C5AR2: variants seen among roughly 807,000 people sequenced by gnomAD.
C5AR2 encodes the protein complement C5a receptor 2.
For synonymous variants in C5AR2, 224 were observed against 216.5 expected (o/e 1.03, Z -0.30); for missense variants, 458 against 467.5 (o/e 0.98, Z 0.19).
intron 1 of C5AR2, among the ~76,000 whole-genome samples, chr19:47,337,879 T>C (rs1225650290): frequency 1.3e-5 from 2 of 151,918 alleles, no homozygotes; most frequent in Admixed American, 6.6e-5. Flanking sequence ...CAAACCAGCC[T>C]GACCAACATG....
chr19:47,336,874 C>T lies in C5AR2; in HGVS notation c.-15-3911C>T, dbSNP rs867092302. Among the ~76,000 whole-genome samples the T allele has an allele frequency of 3.6e-4, 55 of 152,172 alleles. 1 individual carries two copies. The highest frequency in any genetic ancestry group is 6.8e-3 in the Middle Eastern group (2 of 294). ...AATACGAAAGTGGAATGCCAGACTC[C>T]GAATACACACACCAAGTGGCCTGGA... On this transcript the variant is annotated intron_variant, in intron 1 of 1. Transcript: ENST00000595464.
In C5AR2 at chr19:47,344,096, C is replaced by G. The variant is rs1969084149; in HGVS notation, c.*2283C>G. On this transcript the variant is annotated 3_prime_UTR_variant, in exon 2 of 2. Coordinates refer to ENST00000595464, the MANE Select transcript of C5AR2 (RefSeq NM_001271749.2). Reference sequence around the variant, plus strand: ...GTGGCTCACGCCTGTGATCCCAGCACTTTCGGAGGCCCAGTCGGGAGGATC... The same window carrying G: ...GTGGCTCACGCCTGTGATCCCAGCAGTTTCGGAGGCCCAGTCGGGAGGATC... The G allele has an allele frequency of 6.6e-6, 1 of 152,164 alleles. No homozygotes were observed. Among genetic ancestry groups the G allele is most frequent in the Non-Finnish European group, 1.5e-5 (1 of 68,064 alleles). 9.4% of individuals were successfully genotyped at this position (152,164 alleles called of 1,614,324 possible). A position where few individuals can be genotyped will look rare whatever the true frequency, so the allele number is the denominator to read the frequency against.
Position 47,341,597 on chromosome 19 carries a change from G to C in C5AR2, c.798G>C (p.Leu266=), listed in dbSNP as rs575587056. ...LTVAAPNSAL[L]ARALRAEPLI... Reference sequence around the variant, plus strand: ...TGGCGGCCCCGAACTCCGCACTCCTGGCCAGGGCCCTGCGGGCTGAACCCC... The same window carrying C: ...TGGCGGCCCCGAACTCCGCACTCCTCGCCAGGGCCCTGCGGGCTGAACCCC... Residue 266 remains leucine, a synonymous_variant, in exon 2 of 2, where the codon CTG becomes CTC. Transcript: ENST00000595464. This position sits in a 1 kb window ranked among gnomAD's most constrained non-coding sequence, Gnocchi z 4.6. The C allele has an allele frequency of 2.5e-6, 4 of 1,613,852 alleles. No individual in the cohort carries two copies. The East Asian group carries it at 8.9e-5, about 36-fold the overall frequency.
At chr19:47,336,570 C>T (rs768647480) in intron 1 of C5AR2, among the ~76,000 whole-genome samples, 5 of 151,466 alleles carry the variant, frequency 3.3e-5, no homozygotes, top group African/African-American at 7.3e-5. Context: ...TGCAGTGGCG[C>T]GATCATGGCT....
intron 1 of C5AR2, among the ~76,000 whole-genome samples, chr19:47,338,503 A>G (rs1362867828): frequency 6.7e-6 from 1 of 149,946 alleles, no homozygotes; most frequent in South Asian, 2.1e-4. Flanking sequence ...AGTGGCTTCC[A>G]ATAATAATAA....
chr19:47,337,377 C>T (rs1383947914), intron 1 of C5AR2, among the ~76,000 whole-genome samples: 1 of 152,106 alleles, frequency 6.6e-6, no homozygotes, highest in Non-Finnish European at 1.5e-5. Context: ...AATTTACCTA[C>T]TTAGGGCTGG....
intron 1 of C5AR2, among the ~76,000 whole-genome samples, chr19:47,336,567 G>C (rs2059359481): frequency 6.6e-6 from 1 of 151,604 alleles, no homozygotes. Flanking sequence ...GAGTGCAGTG[G>C]CGCGATCATG....
chr19:47,338,086 T>TAAATA (rs969089827), intron 1 of C5AR2, among the ~76,000 whole-genome samples: 2 of 148,854 alleles, frequency 1.3e-5, no homozygotes, highest in African/African-American at 5.0e-5. Flanking sequence ...AAAAAAAAAA[T>TAAATA]AAATAAAATA....
chr19:47,342,783 G>C lies in C5AR2; in HGVS notation c.*970G>C, dbSNP rs1025756105. 3 of 152,274 alleles carry C rather than the reference G, an allele frequency of 2.0e-5. No individual in the cohort carries two copies. Among genetic ancestry groups the C allele is most frequent in the Non-Finnish European group, 4.4e-5 (3 of 68,206 alleles). 9.4% of individuals were successfully genotyped at this position (152,274 alleles called of 1,614,324 possible). The stretch of plus-strand genomic sequence containing the variant: ...GAGGCTACTGTAATGGTCCAAGCAG[G>C]AGGTGATAGCGATTTGGATCAGGGT... On this transcript the variant is annotated 3_prime_UTR_variant, in exon 2 of 2. Transcript: ENST00000595464.
Position 47,343,675 on chromosome 19 carries a change from G to A in C5AR2, c.*1862G>A, listed in dbSNP as rs1340299887. 6.6e-6 allele frequency: 1 copy of A among 151,848 alleles called. No individual in the cohort carries two copies. Among genetic ancestry groups the A allele is most frequent in the African/African-American group, 2.4e-5 (1 of 41,322 alleles). The allele number at this position is 151,848 out of a possible 1,614,324, so 9.4% of individuals were successfully genotyped here. A position where few individuals can be genotyped will look rare whatever the true frequency, so the allele number is the denominator to read the frequency against. On this transcript the variant is annotated 3_prime_UTR_variant, in exon 2 of 2. Transcript: ENST00000595464. ...ACAAAAATTAGCCAGACGTGGTGGGGCGTGCCTGTAGTTCCAGCTACTGAG... is the reference window on the plus strand; with the variant it reads ...ACAAAAATTAGCCAGACGTGGTGGGACGTGCCTGTAGTTCCAGCTACTGAG...
chr19:47,338,853 A>G (rs1160882243), intron 1 of C5AR2, among the ~76,000 whole-genome samples: 2 of 150,468 alleles, frequency 1.3e-5, no homozygotes, highest in African/African-American at 4.9e-5. Context: ...TAGTAATAAT[A>G]TAGTAATAAT....
chr19:47,336,701 G>T (rs1450641265), intron 1 of C5AR2, among the ~76,000 whole-genome samples: 1 of 151,512 alleles, frequency 6.6e-6, no homozygotes, highest in Non-Finnish European at 1.5e-5. Context: ...GAGACAGAGG[G>T]TCTCACTGTG....
At chr19:47,339,574 C>T (rs1188979698) in intron 1 of C5AR2, among the ~76,000 whole-genome samples, 1 of 152,144 alleles carries the variant, frequency 6.6e-6, no homozygotes, top group Non-Finnish European at 1.5e-5. Context: ...ACCTTGGCCT[C>T]CCAAATTCCC....
chr19:47,341,614 C>CT lies in C5AR2; in HGVS notation c.816dup (p.Glu273Ter). The CT allele has an allele frequency of 6.2e-7, 1 of 1,613,948 alleles. No homozygotes were observed. Among genetic ancestry groups the CT allele is most frequent in the Non-Finnish European group, 8.5e-7 (1 of 1,179,978 alleles). On this transcript the variant is annotated frameshift_variant, in exon 2 of 2. Coordinates refer to ENST00000595464, the MANE Select transcript of C5AR2 (RefSeq NM_001271749.2). LOFTEE classifies it low-confidence loss of function (END_TRUNC). This position sits in a 1 kb window ranked among gnomAD's most constrained non-coding sequence, Gnocchi z 4.6. ...GCACTCCTGGCCAGGGCCCTGCGGG[C>CT]TGAACCCCTCATCGTGGGCCTTGCC...
At position 47,345,738 on chromosome 19, in the gene C5AR2, GTAAAA is replaced by G. The variant is rs1599744848; in HGVS notation, c.*3932_*3936del. On this transcript the variant is annotated 3_prime_UTR_variant, in exon 2 of 2. Coordinates refer to ENST00000595464, the MANE Select transcript of C5AR2 (RefSeq NM_001271749.2). ...CGTGAATTAAGACCAAGGCTGTCTT[GTAAAA>G]TAAAATTTGTTGTGGAACAATTTAT... is the stretch of plus-strand genomic sequence containing the variant. The G allele has an allele frequency of 6.6e-6, 1 of 152,120 alleles. No homozygotes were observed. The highest frequency in any genetic ancestry group is 1.9e-4 in the East Asian group (1 of 5,176). 9.4% of individuals were successfully genotyped at this position (152,120 alleles called of 1,614,324 possible).
intron 1 of C5AR2, among the ~76,000 whole-genome samples, chr19:47,335,337 G>A (rs1362327045): frequency 6.6e-6 from 1 of 151,990 alleles, no homozygotes; most frequent in Non-Finnish European, 1.5e-5. Flanking sequence ...AACAGATATC[G>A]GGCACGTTAA....
intron 1 of C5AR2, among the ~76,000 whole-genome samples, chr19:47,340,388 C>T (rs1968992826): frequency 6.6e-6 from 1 of 150,962 alleles, no homozygotes; most frequent in Admixed American, 6.6e-5. Flanking sequence ...ACTCTGTCTC[C>T]CAGGCTGGAG....
rs890516439 is a variant in C5AR2, at chr19:47,341,197, G to A, written c.398G>A (p.Cys133Tyr). Residue 133 changes from cysteine (C) to tyrosine (Y), a missense_variant, in exon 2 of 2, where the codon TGC (cysteine) becomes TAC (tyrosine). Physicochemically the swap from Cys to Tyr is radical, Grantham distance 194 (BLOSUM62 -2). Transcript: ENST00000595464. This position sits in a 1 kb window ranked among gnomAD's most constrained non-coding sequence, Gnocchi z 4.6. ...LLLAALSADL[C>Y]FLALGPAWWS... ...CTGGCAGCTCTCAGTGCCGACCTCT[G>A]CTTCCTGGCTCTCGGGCCTGCCTGG... The A allele has an allele frequency of 1.0e-5, 16 of 1,601,054 alleles. No individual in the cohort carries two copies. The highest frequency in any genetic ancestry group is 1.3e-5 in the African/African-American group (1 of 74,924).
chr19:47,340,346 A>ATTT (rs1234196666), intron 1 of C5AR2, among the ~76,000 whole-genome samples: 2 of 133,840 alleles, frequency 1.5e-5, no homozygotes, highest in Non-Finnish European at 3.2e-5. Context: ...TAGAATTCCA[A>ATTT]TTTTTTTTTT....
Sources: gnomAD v4.1 joint callset for allele counts (sites outside exome capture counted in the v4.1 genomes callset) on GRCh38, gnomAD v4.1.1 for gene constraint, Gnocchi (gnomAD v3.1) non-coding constraint, MANE v1.5 for transcripts, NCBI Gene and HGNC (gene_info 2026-07-23, HGNC 2026-07-21) for gene names.